Variants in TBC1D14 observed in about 807,000 individuals in gnomAD.
TBC1D14 encodes the protein TBC1 domain family, member 14.
Under a neutral mutation model 79.0 loss-of-function variants are expected in TBC1D14, and 26 were observed. The observed-to-expected ratio is 0.33, with a 90% CI of 0.24 to 0.46. The LOEUF (loss-of-function observed/expected upper bound fraction) is 0.46. Among genes scored for constraint, TBC1D14 ranks in the 20% least tolerant of loss-of-function variants. The probability of loss-of-function intolerance (pLI) is 1.00; values close to 1 mark genes in which losing one functional copy is unlikely to be tolerated. For missense variants in TBC1D14, 769 were observed against 887.6 expected (o/e 0.87, Z 1.70); for synonymous variants, 394 against 349.9 (o/e 1.13, Z -1.40).
At chr4:6,997,798 A>G (rs895968214) in intron 5 of TBC1D14, among the ~76,000 whole-genome samples, 2 of 152,144 alleles carry the variant, frequency 1.3e-5, no homozygotes, top group South Asian at 4.1e-4. Flanking sequence ...GTCCACTTCT[A>G]TGAGGTCCCT....
At chr4:7,011,881 T>G (rs911283869) in intron 11 of TBC1D14, among the ~76,000 whole-genome samples, 1 of 152,000 alleles carries the variant, frequency 6.6e-6, no homozygotes, top group Non-Finnish European at 1.5e-5. Flanking sequence ...TTGCTGATAA[T>G]TATTACCAGT....
chr4:7,026,945 G>A (rs1211818308), intron 13 of TBC1D14, among the ~76,000 whole-genome samples: 1 of 152,118 alleles, frequency 6.6e-6, no homozygotes, highest in Admixed American at 6.5e-5. Context: ...AGGTGCAGTG[G>A]CTCACGCCTG....
intron 3 of TBC1D14, among the ~76,000 whole-genome samples, chr4:6,980,257 C>G (rs1241244472): frequency 6.6e-6 from 1 of 152,154 alleles, no homozygotes. Flanking sequence ...ATAATTGCCT[C>G]CCCAAACTTG....
chr4:7,001,943 A>T (rs1007501018), intron 7 of TBC1D14, among the ~76,000 whole-genome samples: 3 of 152,184 alleles, frequency 2.0e-5, no homozygotes, highest in African/African-American at 7.2e-5. Flanking sequence ...CTGTGGAAAG[A>T]CGGGGCTACC....
At chr4:7,018,633 G>A (rs1203831101) in intron 12 of TBC1D14, among the ~76,000 whole-genome samples, 1 of 152,210 alleles carries the variant, frequency 6.6e-6, no homozygotes, top group African/African-American at 2.4e-5. Flanking sequence ...CTAACCAGTG[G>A]CTCATGAGGA....
chr4:7,001,100 C>T (rs1017370111), intron 6 of TBC1D14, 45 bp from the exon 7 acceptor site: 1 of 1,558,380 alleles, frequency 6.4e-7, no homozygotes, highest in Non-Finnish European at 8.8e-7. Context: ...AGACAAATGT[C>T]TTTGTGTGGA....
intron 2 of TBC1D14, among the ~76,000 whole-genome samples, chr4:6,928,800 T>C (rs1174553104): frequency 6.6e-6 from 1 of 152,206 alleles, no homozygotes; most frequent in Admixed American, 6.5e-5. Flanking sequence ...TGTCCAAGGA[T>C]ACAGGGAAAT....
At chr4:6,929,515 G>T (rs1183526063) in intron 2 of TBC1D14, among the ~76,000 whole-genome samples, 2 of 152,174 alleles carry the variant, frequency 1.3e-5, no homozygotes, top group African/African-American at 4.8e-5. Flanking sequence ...CCGCCTGAGG[G>T]TGGAGGTGGT....
At position 7,010,775 on chromosome 4, in the gene TBC1D14, T is replaced by C; in HGVS notation, c.1641T>C (p.His547=). 6.2e-7 allele frequency: 1 copy of C among 1,613,876 alleles called. No homozygotes were observed. Among genetic ancestry groups the C allele is most frequent in the Non-Finnish European group, 8.5e-7 (1 of 1,179,916 alleles). Residue 547 remains histidine, a synonymous_variant, in exon 11 of 14, where the codon CAT becomes CAC. Coordinates refer to ENST00000409757, the MANE Select transcript of TBC1D14 (RefSeq NM_020773.3). ...AAATGGCGTTTTTTAGAGTGGACCATGGCCTTGTGAGTATCCTCTGTGTTC... is the reference window on the plus strand; with the variant it reads ...AAATGGCGTTTTTTAGAGTGGACCACGGCCTTGTGAGTATCCTCTGTGTTC... ...PCQMAFFRVD[H]GLMLTYFAAF...
intron 2 of TBC1D14, among the ~76,000 whole-genome samples, chr4:6,953,721 A>C (rs964339408): frequency 2.0e-5 from 3 of 151,666 alleles, no homozygotes; most frequent in Non-Finnish European, 2.9e-5. Flanking sequence ...CTTCAACAGC[A>C]TTTGAAGTGA....
intron 1 of TBC1D14, among the ~76,000 whole-genome samples, chr4:6,912,145 CT>C (rs759270692): frequency 2.0e-5 from 3 of 152,050 alleles, no homozygotes; most frequent in Non-Finnish European, 2.9e-5. Flanking sequence ...AAACCCAGCA[CT>C]TTGGGAGGCT....
chr4:6,941,072 C>T (rs191960710), intron 2 of TBC1D14, among the ~76,000 whole-genome samples: 27 of 151,984 alleles, frequency 1.8e-4, no homozygotes, highest in East Asian at 9.7e-4. Flanking sequence ...TTGGCTGTTC[C>T]GTGATCAACC....
chr4:6,925,513 G>A (rs1724223123), intron 2 of TBC1D14, among the ~76,000 whole-genome samples: 1 of 152,146 alleles, frequency 6.6e-6, no homozygotes, highest in East Asian at 1.9e-4. Flanking sequence ...TGCCTTAGTT[G>A]CTTCATCAAC....
chr4:6,923,062 G>A (rs1377507255), intron 1 of TBC1D14, among the ~76,000 whole-genome samples: 3 of 152,212 alleles, frequency 2.0e-5, no homozygotes, highest in East Asian at 1.9e-4. Context: ...TTAGCTGGGC[G>A]TGGAAGCGCA....
chr4:6,932,384 A>T (rs1011714035), intron 2 of TBC1D14, among the ~76,000 whole-genome samples: 5 of 151,882 alleles, frequency 3.3e-5, no homozygotes, highest in African/African-American at 1.2e-4. Flanking sequence ...ATTAAAAAAA[A>T]AAAAAAAGAC....
In TBC1D14 at chr4:7,003,800, G is replaced by C. The variant is rs182265735; in HGVS notation, c.1271-1044G>C. Among the ~76,000 whole-genome samples, 987 of 151,928 alleles carry C rather than the reference G, an allele frequency of 6.5e-3. 11 individuals carry two copies. Among genetic ancestry groups the C allele is most frequent in the African/African-American group, 0.023 (934 of 41,396 alleles). On this transcript the variant is annotated intron_variant, in intron 7 of 13. Transcript: ENST00000409757. Reference sequence around the variant, plus strand: ...GGGAATCACCTGAGGTCAGGAGTTTGAGACCAGCCTGGCCAACACGGCCAA... The same window carrying C: ...GGGAATCACCTGAGGTCAGGAGTTTCAGACCAGCCTGGCCAACACGGCCAA...
chr4:6,921,455 C>T (rs1467094313), intron 1 of TBC1D14, among the ~76,000 whole-genome samples: 1 of 152,122 alleles, frequency 6.6e-6, no homozygotes, highest in Non-Finnish European at 1.5e-5. Flanking sequence ...GATCCTCCTG[C>T]CTCTACCTCC....
chr4:7,024,252 G>A (rs1367042756), intron 12 of TBC1D14, among the ~76,000 whole-genome samples: 4 of 152,202 alleles, frequency 2.6e-5, no homozygotes, highest in Non-Finnish European at 5.9e-5. Context: ...CCCTCAGGCC[G>A]AGTCCAGTGC....
chr4:6,966,932 C>G lies in TBC1D14; in HGVS notation c.723-372C>G, dbSNP rs374920527. ...TCATGTCATTCTCCTGCCTCAGCCT[C>G]CCGAGTAGCTGGGACTACAGGTGCC... On this transcript the variant is annotated intron_variant, in intron 2 of 13. Coordinates refer to ENST00000409757, the MANE Select transcript of TBC1D14 (RefSeq NM_020773.3). Among the ~76,000 whole-genome samples, 139 of 152,286 alleles carry G rather than the reference C, an allele frequency of 9.1e-4. 2 individuals carry two copies. In the South Asian group the frequency reaches 0.028, roughly 30 times the overall value.
Sources: allele counts gnomAD v4.1 joint callset (sites outside exome capture counted in the v4.1 genomes callset), GRCh38; gene constraint gnomAD v4.1.1; transcripts MANE v1.5; gene names NCBI Gene and HGNC (gene_info 2026-07-23, HGNC 2026-07-21).